Variants in MTUS1 observed in about 807,000 individuals in gnomAD.
The protein encoded by MTUS1 is microtubule-associated tumor suppressor 1.
Under a neutral mutation model 120.8 loss-of-function variants are expected in MTUS1, and 109 were observed. The observed-to-expected ratio is 0.90, with a 90% CI of 0.77 to 1.06. MTUS1 has a LOEUF of 1.06. MTUS1 is among the 50% of genes least tolerant of loss of function. MTUS1 has a pLI of 0.00. For missense variants in MTUS1, 2,210 were observed against 1,486.3 expected (o/e 1.49, Z -8.01); for synonymous variants, 737 against 550.5 (o/e 1.34, Z -4.74).
At chr8:17,778,573 T>C (rs2050631283) in intron 1 of MTUS1, among the ~76,000 whole-genome samples, 3 of 152,216 alleles carry the variant, frequency 2.0e-5, no homozygotes, top group African/African-American at 7.2e-5. Context: ...TCCCAGCACT[T>C]TGGAGGGAGG....
chr8:17,794,709 T>A (rs576107583), intron 1 of MTUS1, among the ~76,000 whole-genome samples: 1 of 152,358 alleles, frequency 6.6e-6, no homozygotes, highest in African/African-American at 2.4e-5. Flanking sequence ...ATTAACAGTA[T>A]AGCAGTTTAC....
chr8:17,656,207 T>C, intron 8 of MTUS1, 142 bp from the exon 9 acceptor site: 1 of 735,870 alleles, frequency 1.4e-6, no homozygotes, highest in Middle Eastern at 3.0e-4. Flanking sequence ...TGTCTTCAAA[T>C]ATAACAGTAT....
At chr8:17,747,093 G>T (rs926470736) in intron 2 of MTUS1, among the ~76,000 whole-genome samples, 1 of 152,038 alleles carries the variant, frequency 6.6e-6, no homozygotes, top group Non-Finnish European at 1.5e-5. Context: ...ACTCGAATAG[G>T]GTTAGACACC....
chr8:17,689,213 A>AAAAC lies in MTUS1; in HGVS notation c.2624-4675_2624-4672dup, dbSNP rs748756365. On this transcript the variant is annotated intron_variant, in intron 6 of 14. Coordinates refer to ENST00000693296, the MANE Select transcript of MTUS1 (RefSeq NM_001363059.2). Reference sequence around the variant, plus strand: ...GTGACAGAGCAAGACTCCGTTCTCAAAAACAAACAAACAAACAAACAAAAA... The same window carrying AAAAC: ...GTGACAGAGCAAGACTCCGTTCTCAAAAACAAACAAACAAACAAACAAACAAAAA... Among the ~76,000 whole-genome samples the AAAAC allele has an allele frequency of 2.6e-4, 39 of 152,232 alleles. 1 individual carries two copies. Among genetic ancestry groups the AAAAC allele is most frequent in the East Asian group, 9.7e-4 (5 of 5,180 alleles).
Position 17,754,071 on chromosome 8 carries a change from A to T in MTUS1, c.1737T>A (p.Phe579Leu), listed in dbSNP as rs1319618675. 6.2e-7 allele frequency: 1 copy of T among 1,613,972 alleles called. No homozygotes were observed. The highest frequency in any genetic ancestry group is 8.5e-7 in the Non-Finnish European group (1 of 1,180,012). Residue 579 changes from phenylalanine to leucine, a missense_variant, in exon 2 of 15, where the codon TTT becomes TTA. Coordinates refer to ENST00000693296, the MANE Select transcript of MTUS1 (RefSeq NM_001363059.2). ...CAGCCTGGCTAGTAATGAGTTTATT[A>T]AACTGCTGCTTATGTGTCTTGTTAA... ...ILINKTHKQQ[F>L]NKLITSQAVH...
intron 6 of MTUS1, among the ~76,000 whole-genome samples, chr8:17,699,114 CAG>C (rs1390297016): frequency 1.3e-5 from 2 of 152,184 alleles, no homozygotes; most frequent in African/African-American, 2.4e-5. Flanking sequence ...TGATTAAAAA[CAG>C]ACATGCCACC....
At chr8:17,770,972 G>A (rs2049979847) in intron 1 of MTUS1, among the ~76,000 whole-genome samples, 1 of 152,170 alleles carries the variant, frequency 6.6e-6, no homozygotes, top group Non-Finnish European at 1.5e-5. Context: ...ATATTCCAGT[G>A]ATTTGGATAA....
At chr8:17,669,946 C>A (rs1196541349) in intron 8 of MTUS1, among the ~76,000 whole-genome samples, 2 of 152,198 alleles carry the variant, frequency 1.3e-5, no homozygotes, top group African/African-American at 4.8e-5. Flanking sequence ...GGCCTGGAGG[C>A]AAGGTGACCC....
At chr8:17,699,423 C>G (rs534944647) in intron 6 of MTUS1, among the ~76,000 whole-genome samples, 77 of 152,220 alleles carry the variant, frequency 5.1e-4, no homozygotes, top group African/African-American at 1.7e-3. Flanking sequence ...CCATGTTGGC[C>G]AGGCTCGTCT....
At chr8:17,679,175 G>C (rs1031720409) in intron 7 of MTUS1, among the ~76,000 whole-genome samples, 1 of 148,944 alleles carries the variant, frequency 6.7e-6, no homozygotes, top group African/African-American at 2.5e-5. Flanking sequence ...TTTAGAAAAG[G>C]TTAGCAATAA....
At chr8:17,739,170 AC>A (rs1393544917) in intron 3 of MTUS1, among the ~76,000 whole-genome samples, 22 of 151,942 alleles carry the variant, frequency 1.4e-4, no homozygotes, top group African/African-American at 5.1e-4. Context: ...AAACAAACAA[AC>A]AAAAAAACAA....
At chr8:17,687,617 C>G (rs141478095) in intron 6 of MTUS1, among the ~76,000 whole-genome samples, 3 of 152,110 alleles carry the variant, frequency 2.0e-5, no homozygotes, top group Non-Finnish European at 4.4e-5. Context: ...TAAAATTAAA[C>G]GTCAACTTCT....
intron 6 of MTUS1, among the ~76,000 whole-genome samples, chr8:17,701,438 A>C (rs1819058745): frequency 6.6e-6 from 1 of 152,268 alleles, no homozygotes; most frequent in Non-Finnish European, 1.5e-5. Flanking sequence ...AAGAACAGTG[A>C]CATTGCCTTT....
intron 2 of MTUS1, among the ~76,000 whole-genome samples, chr8:17,748,479 G>A (rs1332258115): frequency 3.3e-5 from 5 of 152,106 alleles, no homozygotes; most frequent in East Asian, 1.9e-4. Context: ...CTTTGCCCTC[G>A]CTACTGGAGG....
At chr8:17,789,123 C>A (rs985955624) in intron 1 of MTUS1, among the ~76,000 whole-genome samples, 1 of 151,962 alleles carries the variant, frequency 6.6e-6, no homozygotes, top group African/African-American at 2.4e-5. Flanking sequence ...ACCTCCGCCT[C>A]CCAGGTTCAA....
At chr8:17,687,651 C>G (rs868552422) in intron 6 of MTUS1, among the ~76,000 whole-genome samples, 5 of 152,138 alleles carry the variant, frequency 3.3e-5, no homozygotes, top group African/African-American at 9.7e-5. Flanking sequence ...TTTATCTCAA[C>G]AAGATAATTA....
rs763567961 is a variant in MTUS1 at position 17,755,503 on chromosome 8, A to T, written c.305T>A (p.Ile102Asn). ...ACCTACAAGTGCAGGACACTGACAA[A>T]TAGAATCTTTATGCATATCTAACAC... ...KQVLDMHKDS[I>N]CQCPALVGTE... The change falls in exon 2 of 15, where the codon ATT (isoleucine) becomes AAT (asparagine). Residue 102 changes from isoleucine (I) to asparagine (N), a missense_variant. Physicochemically the swap from Ile to Asn is moderately radical, Grantham distance 149 (BLOSUM62 -3). Coordinates refer to ENST00000693296, the MANE Select transcript of MTUS1 (RefSeq NM_001363059.2). 1.2e-6 allele frequency: 2 copies of T among 1,614,198 alleles called. No individual in the cohort carries two copies. The highest frequency in any genetic ancestry group is 4.5e-5 in the East Asian group (2 of 44,888).
chr8:17,761,734 C>T (rs1299691495), intron 1 of MTUS1, among the ~76,000 whole-genome samples: 1 of 152,140 alleles, frequency 6.6e-6, no homozygotes, highest in Non-Finnish European at 1.5e-5. Flanking sequence ...TGTAATTTTA[C>T]TACTTATTTA....
intron 1 of MTUS1, among the ~76,000 whole-genome samples, chr8:17,764,242 A>T (rs1217043117): frequency 2.0e-5 from 3 of 152,176 alleles, no homozygotes; most frequent in Non-Finnish European, 4.4e-5. Context: ...AAACTCTATG[A>T]TCTACAAATC....
Sources: gnomAD v4.1 joint callset for allele counts (sites outside exome capture counted in the v4.1 genomes callset) on GRCh38, gnomAD v4.1.1 for gene constraint, MANE v1.5 for transcripts, NCBI Gene and HGNC (gene_info 2026-07-23, HGNC 2026-07-21) for gene names.